The following DYNC2I1 variants were observed in gnomAD, a reference collection of about 807,000 sequenced individuals.
DYNC2I1 encodes dynein 2 intermediate chain 1, also known as cytoplasmic dynein 2 intermediate chain 1.
In DYNC2I1, 89 loss-of-function variants were observed where a neutral mutation model predicts 133.4. That is an observed-to-expected ratio of 0.67 (90% CI 0.56 to 0.80). DYNC2I1 has a LOEUF of 0.80. Ranked by LOEUF, DYNC2I1 falls within the 30% of genes least tolerant of loss-of-function variation. The probability of loss-of-function intolerance (pLI) is 0.00; values close to 1 mark genes in which losing one functional copy is unlikely to be tolerated. For missense variants in DYNC2I1, 1,291 were observed against 1,314.5 expected, an observed-to-expected ratio of 0.98 and a Z score of 0.28; for synonymous variants, 504 against 484.3, an observed-to-expected ratio of 1.04 and a Z score of -0.54.
intron 15 of DYNC2I1, among the ~76,000 whole-genome samples, chr7:158,919,310 A>G (rs1374475726): frequency 6.6e-6 from 1 of 152,252 alleles, no homozygotes; most frequent in Non-Finnish European, 1.5e-5. Flanking sequence ...CATTTAGTGT[A>G]GATAGACTTA....
At chr7:158,886,949 A>G (rs1257134489) in intron 6 of DYNC2I1, 72 bp from the exon 7 acceptor site, 11 of 1,404,046 alleles carry the variant, frequency 7.8e-6, no homozygotes, top group African/African-American at 1.4e-5. Context: ...TTTCACTGAT[A>G]TGGAAAATGT....
rs192566960 is a variant in DYNC2I1, at chr7:158,880,841, G to A, written c.879+852G>A. Reference sequence around the variant, plus strand: ...TTTTGCTGCTGTTTTTACAGAATCCGAAGCTAATATGATCTTATTTACCTA... The same window carrying A: ...TTTTGCTGCTGTTTTTACAGAATCCAAAGCTAATATGATCTTATTTACCTA... On this transcript the variant is annotated intron_variant, in intron 5 of 24. Coordinates refer to ENST00000407559, the MANE Select transcript of DYNC2I1 (RefSeq NM_018051.5). Among the ~76,000 whole-genome samples, 14 of 152,198 alleles carry A rather than the reference G, an allele frequency of 9.2e-5. No homozygotes were observed. In the East Asian group the frequency reaches 2.7e-3, roughly 29 times the overall value.
rs941022143 is a variant in DYNC2I1, at chr7:158,871,542, C to T, written c.470C>T (p.Ala157Val). The T allele has an allele frequency of 9.1e-6, 14 of 1,539,978 alleles. No homozygotes were observed. Among genetic ancestry groups the T allele is most frequent in the African/African-American group, 2.8e-5 (2 of 72,650 alleles). The change falls in exon 3 of 25, where the codon GCG (alanine) becomes GTG (valine). Residue 157 changes from alanine to valine, a missense_variant. Coordinates refer to ENST00000407559, the MANE Select transcript of DYNC2I1 (RefSeq NM_018051.5). ...CGCGACCGGCAGCTCCTGGAGCGGG[C>T]GGAGAGGAAAGGCCGCTCAGGTGGG... is the stretch of plus-strand genomic sequence containing the variant. The part of the protein sequence containing the change: ...ETRDRQLLER[A>V]ERKGRSVSKV...
intron 17 of DYNC2I1, among the ~76,000 whole-genome samples, chr7:158,924,961 G>C (rs994374880): frequency 2.6e-5 from 4 of 152,112 alleles, no homozygotes; most frequent in African/African-American, 9.7e-5. Context: ...TCTCCATGTT[G>C]GTCAGGCTGG....
chr7:158,863,159 C>G (rs28592979), intron 1 of DYNC2I1, among the ~76,000 whole-genome samples: 1 of 151,976 alleles, frequency 6.6e-6, no homozygotes, highest in Non-Finnish European at 1.5e-5. Flanking sequence ...CCTTATTTGG[C>G]CCTGCCCACA....
chr7:158,903,554 C>T (rs1000735330), intron 10 of DYNC2I1: 1 of 152,226 alleles, frequency 6.6e-6, no homozygotes, highest in African/African-American at 2.4e-5. Context: ...GGTGGCAGAA[C>T]TCAGCTGGGC....
At chr7:158,848,785 A>G in the DYNC2I1 span, among the ~76,000 whole-genome samples, 215 of 152,226 alleles carry the variant, frequency 1.4e-3, no homozygotes, top group African/African-American at 4.9e-3. Flanking sequence ...TTAGCCAGGC[A>G]TGGTGGCAGG....
At chr7:158,936,576 G>T (rs915095236) in intron 23 of DYNC2I1, among the ~76,000 whole-genome samples, 1 of 152,202 alleles carries the variant, frequency 6.6e-6, no homozygotes, top group Non-Finnish European at 1.5e-5. Context: ...GGAGCATCCC[G>T]AGTGCCTGAA....
In DYNC2I1 at chr7:158,942,140, C is replaced by T. The variant is rs767988564; in HGVS notation, c.2994C>T (p.Ser998=). The T allele has an allele frequency of 1.3e-6, 2 of 1,545,134 alleles. No homozygotes were observed. Among genetic ancestry groups the T allele is most frequent in the South Asian group, 1.2e-5 (1 of 80,482 alleles). The part of the protein sequence containing the change: ...DLGPVAKQQV[S]PNRLVAMAAV... ...GTCCTGTCGCCAAACAGCAGGTCTC[C>T]CCCAACAGGCAAGTGGGGAAGCTCT... The change falls in exon 24 of 25, where the codon TCC becomes TCT. Residue 998 remains serine, a synonymous_variant. Coordinates refer to ENST00000407559, the MANE Select transcript of DYNC2I1 (RefSeq NM_018051.5).
chr7:158,915,726 C>A (rs1848122847), intron 14 of DYNC2I1, among the ~76,000 whole-genome samples: 2 of 148,678 alleles, frequency 1.3e-5, no homozygotes, highest in Non-Finnish European at 3.0e-5. Context: ...GAAACGTCGA[C>A]ACGCTGGTTG....
chr7:158,915,332 A>G (rs1197716511), intron 14 of DYNC2I1, among the ~76,000 whole-genome samples: 1 of 150,180 alleles, frequency 6.7e-6, no homozygotes, highest in African/African-American at 2.5e-5. Flanking sequence ...GACATTAAGG[A>G]TGATTGTGAA....
At chr7:158,894,172 GTCACACTACGTA>G (rs1486251420) in intron 8 of DYNC2I1, among the ~76,000 whole-genome samples, 1 of 30,624 alleles carries the variant, frequency 3.3e-5, no homozygotes, top group African/African-American at 1.0e-4. Flanking sequence ...CATAATGCAT[GTCACACTACGTA>G]TCATACTACA....
chr7:158,949,993 A>C (rs558523756), downstream of DYNC2I1, among the ~76,000 whole-genome samples: 6 of 152,026 alleles, frequency 3.9e-5, no homozygotes, highest in Non-Finnish European at 7.4e-5. Flanking sequence ...CTGGTCTCGA[A>C]CTCCCAACCT....
At chr7:158,893,707 G>A (rs180779065) in intron 8 of DYNC2I1, among the ~76,000 whole-genome samples, 147 of 144,398 alleles carry the variant, frequency 1.0e-3, no homozygotes, top group African/African-American at 3.7e-3. Flanking sequence ...ACTGCATATC[G>A]TACCACATAT....
chr7:158,899,873 GA>G (rs1471399798), intron 8 of DYNC2I1, among the ~76,000 whole-genome samples: 2 of 152,160 alleles, frequency 1.3e-5, no homozygotes, highest in Non-Finnish European at 2.9e-5. Flanking sequence ...TCAGCAGTGT[GA>G]AAACGGACTA....
chr7:158,924,255 A>G (rs1196860151), intron 17 of DYNC2I1, among the ~76,000 whole-genome samples: 3 of 152,220 alleles, frequency 2.0e-5, no homozygotes, highest in African/African-American at 7.2e-5. Flanking sequence ...TTCCCCTGAT[A>G]GCCCTGTATC....
upstream of DYNC2I1, among the ~76,000 whole-genome samples, chr7:158,853,736 C>A (rs1195953294): frequency 6.6e-6 from 1 of 151,504 alleles, no homozygotes; most frequent in Non-Finnish European, 1.5e-5. Context: ...CTCACTGCAA[C>A]CTCCCACTCC....
the DYNC2I1 span, among the ~76,000 whole-genome samples, chr7:158,840,993 T>C: frequency 6.6e-6 from 1 of 152,068 alleles, no homozygotes; most frequent in African/African-American, 2.4e-5. Flanking sequence ...AATTACAGCA[T>C]GCTTTCCCAT....
chr7:158,880,102 G>A, intron 5 of DYNC2I1, 113 bp downstream of exon 5: 1 of 1,264,302 alleles, frequency 7.9e-7, no homozygotes. Context: ...CCTAGTAGTA[G>A]TAATTTAGGA....
Sources: allele counts gnomAD v4.1 joint callset (sites outside exome capture counted in the v4.1 genomes callset), GRCh38; gene constraint gnomAD v4.1.1; transcripts MANE v1.5; gene names NCBI Gene and HGNC (gene_info 2026-07-23, HGNC 2026-07-21).